CTNND2: variants seen among roughly 807,000 people sequenced by gnomAD.
The protein encoded by CTNND2 is catenin delta-2.
Under a neutral mutation model 144.4 loss-of-function variants are expected in CTNND2, and 22 were observed. That is an observed-to-expected ratio of 0.15 (90% CI 0.11 to 0.22). The LOEUF is 0.22. CTNND2 is among the 10% of genes least tolerant of loss of function. CTNND2 has a pLI of 1.00. For synonymous variants in CTNND2, 751 were observed against 695.6 expected (o/e 1.08, Z -1.25); for missense variants, 1,353 against 1,618.8 (o/e 0.84, Z 2.82).
rs1050178987 is a variant in CTNND2 at position 11,021,143 on chromosome 5, T to C, written c.2999+1626A>G. Among the ~76,000 whole-genome samples, 4 of 152,206 alleles carry C rather than the reference T, an allele frequency of 2.6e-5. No homozygotes were observed. The East Asian group carries it at 7.7e-4, about 29-fold the overall frequency. On this transcript the variant is annotated intron_variant, in intron 17 of 21. Coordinates refer to ENST00000304623, the MANE Select transcript of CTNND2 (RefSeq NM_001332.4). Reference sequence around the variant, plus strand: ...TTCACCAAATAATTTTATTTGACCATAGGACTCAATAAAACTTTTTTTTCT... The same window carrying C: ...TTCACCAAATAATTTTATTTGACCACAGGACTCAATAAAACTTTTTTTTCT...
intron 16 of CTNND2, among the ~76,000 whole-genome samples, chr5:11,059,554 G>A (rs866398358): frequency 1.2e-4 from 18 of 152,100 alleles, no homozygotes; most frequent in Admixed American, 3.3e-4. Flanking sequence ...GCGTGAAAAC[G>A]AACTAATACA....
intron 2 of CTNND2, among the ~76,000 whole-genome samples, chr5:11,700,760 G>C (rs1488965903): frequency 1.3e-5 from 2 of 152,156 alleles, no homozygotes; most frequent in Non-Finnish European, 2.9e-5. Context: ...AACAGTGCCA[G>C]GTAGCTGAGG....
intron 7 of CTNND2, among the ~76,000 whole-genome samples, chr5:11,376,087 C>T (rs899081467): frequency 5.9e-5 from 9 of 151,864 alleles, no homozygotes; most frequent in African/African-American, 1.9e-4. Flanking sequence ...ATCGATGAGC[C>T]GAAAAGTGGA....
intron 9 of CTNND2, among the ~76,000 whole-genome samples, chr5:11,289,469 T>C (rs1236261373): frequency 1.3e-5 from 2 of 152,280 alleles, no homozygotes; most frequent in South Asian, 2.1e-4. Flanking sequence ...ACTGGGAAAG[T>C]TATTCTTAGT....
At chr5:11,055,928 A>G (rs1313556984) in intron 16 of CTNND2, among the ~76,000 whole-genome samples, 1 of 152,196 alleles carries the variant, frequency 6.6e-6, no homozygotes, top group East Asian at 1.9e-4. Context: ...AACCTGCAAT[A>G]AAGTTGGGCT....
chr5:11,117,603 GT>G, intron 12 of CTNND2, 36 bp from the exon 13 acceptor site: 1 of 1,528,020 alleles, frequency 6.5e-7, no homozygotes, highest in Non-Finnish European at 9.1e-7. Flanking sequence ...GATCTTCACG[GT>G]TGTCACCAAA....
At chr5:11,637,706 T>C (rs1430745224) in intron 2 of CTNND2, among the ~76,000 whole-genome samples, 2 of 152,180 alleles carry the variant, frequency 1.3e-5, no homozygotes, top group Non-Finnish European at 2.9e-5. Context: ...ATCAATCTTC[T>C]CAACAAATAA....
chr5:11,419,836 T>C (rs1263574485), intron 3 of CTNND2, among the ~76,000 whole-genome samples: 5 of 152,240 alleles, frequency 3.3e-5, no homozygotes, highest in Admixed American at 3.3e-4. Flanking sequence ...AAATATACTC[T>C]TATTGTCTTT....
At chr5:11,315,591 T>A (rs930911963) in intron 9 of CTNND2, among the ~76,000 whole-genome samples, 4 of 152,184 alleles carry the variant, frequency 2.6e-5, no homozygotes, top group Admixed American at 2.0e-4. Flanking sequence ...AACTGAGGGA[T>A]CAATTTGGTT....
intron 9 of CTNND2, among the ~76,000 whole-genome samples, chr5:11,283,286 A>G (rs536473727): frequency 6.6e-6 from 1 of 152,124 alleles, no homozygotes; most frequent in Non-Finnish European, 1.5e-5. Flanking sequence ...ACAAGTAAAG[A>G]CCACTGTTTT....
chr5:11,117,571 C>G lies in CTNND2; in HGVS notation c.2160-4G>C. 6.2e-7 allele frequency: 1 copy of G among 1,611,784 alleles called. No homozygotes were observed. Among genetic ancestry groups the G allele is most frequent in the Admixed American group, 1.7e-5 (1 of 60,010 alleles). ...CTCTCCGGCCGAACTAACATTCCTG[C>G]AAAGCAAAAGGACACGTCAGCGATC... On this transcript the variant is annotated splice_polypyrimidine_tract_variant and splice_region_variant and intron_variant, in intron 12 of 21. Transcript: ENST00000304623.
intron 3 of CTNND2, among the ~76,000 whole-genome samples, chr5:11,494,012 TA>T (rs961202189): frequency 1.6e-4 from 24 of 152,284 alleles, no homozygotes; most frequent in African/African-American, 5.1e-4. Context: ...TTACAGTGAT[TA>T]AAAAATCTTT....
chr5:11,775,045 G>C (rs1356051406), intron 1 of CTNND2, among the ~76,000 whole-genome samples: 1 of 152,118 alleles, frequency 6.6e-6, no homozygotes, highest in Non-Finnish European at 1.5e-5. Context: ...CAGCCAAACA[G>C]AGCTGGGCGG....
chr5:11,459,886 A>G (rs576381844), intron 3 of CTNND2, among the ~76,000 whole-genome samples: 5 of 152,290 alleles, frequency 3.3e-5, no homozygotes, highest in African/African-American at 9.6e-5. Context: ...CATTCTTCAC[A>G]TGTCTCACGA....
At chr5:11,630,149 G>T (rs1781345059) in intron 2 of CTNND2, among the ~76,000 whole-genome samples, 1 of 152,146 alleles carries the variant, frequency 6.6e-6, no homozygotes, top group Non-Finnish European at 1.5e-5. Flanking sequence ...GGCATCTGCA[G>T]AGAGACATAA....
chr5:11,541,758 AC>A lies in CTNND2; in HGVS notation c.287+23185del, dbSNP rs1232505295. 5.4e-5 allele frequency among the ~76,000 whole-genome samples: 8 copies of A among 148,608 alleles called. No individual in the cohort carries two copies. The Admixed American group carries it at 5.4e-4, about 10-fold the overall frequency. On this transcript the variant is annotated intron_variant, in intron 3 of 21. Transcript: ENST00000304623. ...GCATCTTAATCCAAATGCATATCAG[AC>A]CCCCGCAGTCTGTGTTCTATATGGT...
Position 11,774,570 on chromosome 5 carries a change from A to T in CTNND2, c.38-42298T>A, listed in dbSNP as rs1160865443. 2.3e-4 allele frequency among the ~76,000 whole-genome samples: 35 copies of T among 150,448 alleles called. 4 individuals are homozygous for T. Among genetic ancestry groups the T allele is most frequent in the African/African-American group, 7.3e-4 (30 of 41,306 alleles). On this transcript the variant is annotated intron_variant, in intron 1 of 21. Transcript: ENST00000304623. ...TATAATAAAAAAAAATTAAAAAAAA[A>T]AACAATGATGGCTTTAGTCTAAAAT...
At chr5:11,611,914 C>G (rs866476321) in intron 2 of CTNND2, among the ~76,000 whole-genome samples, 19 of 152,192 alleles carry the variant, frequency 1.2e-4, no homozygotes, top group African/African-American at 4.6e-4. Flanking sequence ...CAGCTCCCTC[C>G]AGACTCTGAG....
intron 3 of CTNND2, among the ~76,000 whole-genome samples, chr5:11,527,659 A>C (rs915335211): frequency 5.9e-5 from 9 of 152,196 alleles, no homozygotes; most frequent in African/African-American, 2.2e-4. Flanking sequence ...ATAGTTTCTC[A>C]CCAAGAGCTT....
Sources: allele counts gnomAD v4.1 joint callset (sites outside exome capture counted in the v4.1 genomes callset), GRCh38; gene constraint gnomAD v4.1.1; transcripts MANE v1.5; gene names NCBI Gene and HGNC (gene_info 2026-07-23, HGNC 2026-07-21).